Variants in DLGAP2 observed in about 807,000 individuals in gnomAD.
DLGAP2 encodes the protein disks large-associated protein 2.
In DLGAP2, 26 loss-of-function variants were observed where a neutral mutation model predicts 100.3. The ratio of observed to expected loss-of-function variants is 0.26; its 90% CI spans 0.19 to 0.36. The LOEUF (loss-of-function observed/expected upper bound fraction) is 0.36. DLGAP2 is among the 10% of genes least tolerant of loss of function. The probability of loss-of-function intolerance (pLI) is 1.00; values close to 1 mark genes in which losing one functional copy is unlikely to be tolerated. For missense variants in DLGAP2, 1,858 were observed against 1,453.2 expected (o/e 1.28, Z -4.53); for synonymous variants, 886 against 630.1 (o/e 1.41, Z -6.08).
chr8:1,698,214 G>T (rs1163332510), intron 14 of DLGAP2, among the ~76,000 whole-genome samples: 1 of 152,196 alleles, frequency 6.6e-6, no homozygotes, highest in African/African-American at 2.4e-5. Context: ...CAGACGACAG[G>T]GGAGTGAGGT....
In DLGAP2 at chr8:1,475,049, C is replaced by T. The variant is rs549554705; in HGVS notation, c.107-26317C>T. 1.6e-4 allele frequency among the ~76,000 whole-genome samples: 25 copies of T among 152,266 alleles called. No homozygotes were observed. The East Asian group carries it at 4.6e-3, about 28-fold the overall frequency. Reference sequence around the variant, plus strand: ...TACACACCATGGAATACTACGCAGCCATCAGGAAGAATGAGATCATGTCCT... The same window carrying T: ...TACACACCATGGAATACTACGCAGCTATCAGGAAGAATGAGATCATGTCCT... On this transcript the variant is annotated intron_variant, in intron 3 of 14. Coordinates refer to ENST00000637795, the MANE Select transcript of DLGAP2 (RefSeq NM_001346810.2).
chr8:1,049,712 C>T (rs1273160912), intron 2 of DLGAP2, among the ~76,000 whole-genome samples: 1 of 151,850 alleles, frequency 6.6e-6, no homozygotes. Flanking sequence ...CAGACACAGG[C>T]ACATATGAAT....
intron 3 of DLGAP2, among the ~76,000 whole-genome samples, chr8:1,481,625 T>C (rs567435954): frequency 1.3e-5 from 2 of 152,000 alleles, no homozygotes; most frequent in South Asian, 2.1e-4. Flanking sequence ...ATTACAGGCA[T>C]GAACCACCAC....
At chr8:999,438 T>A (rs542880096) in intron 2 of DLGAP2, among the ~76,000 whole-genome samples, 1 of 152,198 alleles carries the variant, frequency 6.6e-6, no homozygotes, top group Non-Finnish European at 1.5e-5. Flanking sequence ...TTTTGATAGT[T>A]GCTGTCCTGA....
At chr8:1,135,474 C>T (rs1585093336) in intron 2 of DLGAP2, among the ~76,000 whole-genome samples, 2 of 145,472 alleles carry the variant, frequency 1.4e-5, no homozygotes, top group Admixed American at 1.4e-4. Flanking sequence ...AGATTTCTCA[C>T]CTTGGATCCT....
chr8:1,683,834 C>CTATATATATATATATATATATATATA (rs35210879), intron 12 of DLGAP2, among the ~76,000 whole-genome samples: 5 of 56,154 alleles, frequency 8.9e-5, no homozygotes, highest in South Asian at 8.7e-4. Flanking sequence ...CTTTGCTCCA[C>CTATATATATATATATATATATATATA]TATATATATA....
At chr8:1,017,602 A>G (rs1267640539) in intron 2 of DLGAP2, among the ~76,000 whole-genome samples, 3 of 142,504 alleles carry the variant, frequency 2.1e-5, no homozygotes, top group African/African-American at 5.1e-5. Context: ...GTGTGTGACC[A>G]GGACAGACGG....
intron 3 of DLGAP2, among the ~76,000 whole-genome samples, chr8:1,273,875 A>T (rs1408414123): frequency 6.6e-6 from 1 of 152,226 alleles, no homozygotes; most frequent in Non-Finnish European, 1.5e-5. Context: ...AATGAAATTT[A>T]TGGACTTTAA....
At chr8:1,275,968 A>AG (rs1799683610) in intron 3 of DLGAP2, among the ~76,000 whole-genome samples, 13 of 120,704 alleles carry the variant, frequency 1.1e-4, no homozygotes, top group South Asian at 7.2e-4. Flanking sequence ...AATATATAAT[A>AG]TATATAAATA....
intron 2 of DLGAP2, among the ~76,000 whole-genome samples, chr8:972,528 T>G (rs1048085728): frequency 6.6e-6 from 1 of 152,226 alleles, no homozygotes; most frequent in African/African-American, 2.4e-5. Context: ...ATCATTAGAC[T>G]GGGCATAGGC....
In DLGAP2 at chr8:1,459,981, C is replaced by A. The variant is rs138647974; in HGVS notation, c.107-41385C>A. On this transcript the variant is annotated intron_variant, in intron 3 of 14. Coordinates refer to ENST00000637795, the MANE Select transcript of DLGAP2 (RefSeq NM_001346810.2). Reference sequence around the variant, plus strand: ...AAGTACTCACAGAGGTTCGGGACCTCGGGTGTTTTTATGTAATGGAATGAA... The same window carrying A: ...AAGTACTCACAGAGGTTCGGGACCTAGGGTGTTTTTATGTAATGGAATGAA... Among the ~76,000 whole-genome samples the A allele has an allele frequency of 2.0e-3, 312 of 152,238 alleles. 5 individuals are homozygous for A. The highest frequency in any genetic ancestry group is 7.6e-4 in the Non-Finnish European group (52 of 68,030).
At chr8:1,560,826 C>G (rs1261468156) in intron 5 of DLGAP2, among the ~76,000 whole-genome samples, 1 of 152,242 alleles carries the variant, frequency 6.6e-6, no homozygotes, top group Admixed American at 6.5e-5. Context: ...TTCTTAACTG[C>G]TGATTTCTTG....
chr8:1,452,864 A>G (rs890794152), intron 3 of DLGAP2, among the ~76,000 whole-genome samples: 3 of 152,166 alleles, frequency 2.0e-5, no homozygotes, highest in African/African-American at 7.2e-5. Context: ...CCCATTAAAG[A>G]GTCTCTGTTT....
At chr8:1,032,253 C>T (rs1262252226) in intron 2 of DLGAP2, among the ~76,000 whole-genome samples, 1 of 152,182 alleles carries the variant, frequency 6.6e-6, no homozygotes, top group African/African-American at 2.4e-5. Context: ...CGCCACCACC[C>T]GTGGCTCTGC....
intron 6 of DLGAP2, among the ~76,000 whole-genome samples, chr8:1,594,553 A>G (rs1796390336): frequency 6.6e-6 from 1 of 152,052 alleles, no homozygotes. Flanking sequence ...GGACAGCAAA[A>G]AATAGCAATA....
intron 3 of DLGAP2, among the ~76,000 whole-genome samples, chr8:1,423,821 C>A (rs914062157): frequency 6.6e-6 from 1 of 152,176 alleles, no homozygotes; most frequent in Non-Finnish European, 1.5e-5. Flanking sequence ...AGGAGAAATT[C>A]GAGCAGGTTA....
At chr8:1,580,431 G>A (rs1166387287) in intron 6 of DLGAP2, among the ~76,000 whole-genome samples, 2 of 152,166 alleles carry the variant, frequency 1.3e-5, no homozygotes, top group Admixed American at 6.5e-5. Context: ...GCGGAGGCTC[G>A]AAGAGAAAGC....
Position 1,011,434 on chromosome 8 carries a change from G to A in DLGAP2, c.73+103468G>A, listed in dbSNP as rs1275210360. ...CTACACAGTGAGCCCTGGAATGAGG[G>A]GTCTCAGTCTACACAGTGAGCCCTG... On this transcript the variant is annotated intron_variant, in intron 2 of 14. Transcript: ENST00000637795. Among the ~76,000 whole-genome samples the A allele has an allele frequency of 1.7e-4, 24 of 142,108 alleles. No homozygotes were observed. The South Asian group carries it at 4.1e-3, about 25-fold the overall frequency. The allele number at this position is 142,108 out of a possible 152,430, so 93.2% of individuals were successfully genotyped here.
intron 8 of DLGAP2, among the ~76,000 whole-genome samples, chr8:1,636,316 G>A (rs1797764591): frequency 6.6e-6 from 1 of 152,126 alleles, no homozygotes; most frequent in Non-Finnish European, 1.5e-5. Context: ...TTAAAACAAA[G>A]GGAAAACCTA....
Sources: gnomAD v4.1 joint callset for allele counts (sites outside exome capture counted in the v4.1 genomes callset) on GRCh38, gnomAD v4.1.1 for gene constraint, MANE v1.5 for transcripts, NCBI Gene and HGNC (gene_info 2026-07-23, HGNC 2026-07-21) for gene names.